The following DPP6 variants were observed in gnomAD, a reference collection of about 807,000 sequenced individuals.
DPP6 encodes dipeptidyl peptidase like 6, also known as A-type potassium channel modulatory protein DPP6.
A neutral mutation model predicts 122.6 loss-of-function variants in DPP6; 69 were observed. That is an observed-to-expected ratio of 0.56 (90% CI 0.46 to 0.69). The LOEUF (loss-of-function observed/expected upper bound fraction) is 0.69, where lower values mean the gene tolerates loss of function less well. Ranked by LOEUF, DPP6 falls within the 30% of genes least tolerant of loss-of-function variation. DPP6 has a pLI of 0.00. For missense variants in DPP6, 928 were observed against 1,116.9 expected, an observed-to-expected ratio of 0.83 and a Z score of 2.41; for synonymous variants, 418 against 433.1, an observed-to-expected ratio of 0.97 and a Z score of 0.43.
chr7:154,166,917 A>G (rs28431077), intron 1 of DPP6, among the ~76,000 whole-genome samples: 87,783 of 145,826 alleles, frequency 0.6, 30,100 homozygotes, highest in East Asian at 0.92. Context: ...TCTTAAAAAA[A>G]TAAAAAGGCA....
At chr7:154,125,910 A>G (rs1162376104) in intron 1 of DPP6, among the ~76,000 whole-genome samples, 1 of 152,132 alleles carries the variant, frequency 6.6e-6, no homozygotes, top group Non-Finnish European at 1.5e-5. Context: ...GTACCTGATT[A>G]TTAGGGTCCT....
chr7:154,673,624 C>G (rs552897093), intron 7 of DPP6, among the ~76,000 whole-genome samples: 3 of 152,250 alleles, frequency 2.0e-5, no homozygotes, highest in Non-Finnish European at 4.4e-5. Context: ...TGCTTCCAAA[C>G]GTTTGCTGAG....
chr7:154,124,085 C>G (rs1807706626), intron 1 of DPP6, among the ~76,000 whole-genome samples: 1 of 151,830 alleles, frequency 6.6e-6, no homozygotes, highest in South Asian at 2.1e-4. Flanking sequence ...CTATGATTAC[C>G]TGGGGACAGA....
intron 1 of DPP6, among the ~76,000 whole-genome samples, chr7:154,300,757 TATC>T (rs1391930927): frequency 6.6e-6 from 1 of 152,202 alleles, no homozygotes; most frequent in Non-Finnish European, 1.5e-5. Context: ...AAGAGTTTCT[TATC>T]AGTTCAAGCC....
chr7:154,334,687 GA>G (rs1809246946), intron 1 of DPP6, among the ~76,000 whole-genome samples: 1 of 152,222 alleles, frequency 6.6e-6, no homozygotes, highest in Admixed American at 6.5e-5. Context: ...CTTGAGGTCA[GA>G]AGTTCGAGAT....
chr7:154,091,271 C>CT (rs1464088249), intron 1 of DPP6, among the ~76,000 whole-genome samples: 2 of 152,220 alleles, frequency 1.3e-5, no homozygotes, highest in African/African-American at 4.8e-5. Context: ...AATCCTCCGC[C>CT]TCCCCTGCTT....
At position 153,934,759 on chromosome 7, in the gene DPP6, C is replaced by T. The variant is rs182023284; in HGVS notation, c.51+47025C>T. On this transcript the variant is annotated intron_variant, in intron 1 of 25. Transcript: ENST00000404039. Reference sequence around the variant, plus strand: ...CTTGTTTTGCTACAAAACCCACTTGCAGGAAACGAGGAAGCAGAACACTGC... The same window carrying T: ...CTTGTTTTGCTACAAAACCCACTTGTAGGAAACGAGGAAGCAGAACACTGC... Among the ~76,000 whole-genome samples, 59 of 152,124 alleles carry T rather than the reference C, an allele frequency of 3.9e-4. No homozygotes were observed. The East Asian group carries it at 0.011, about 29-fold the overall frequency.
intron 7 of DPP6, among the ~76,000 whole-genome samples, chr7:154,685,740 T>A (rs1472857860): frequency 6.6e-6 from 1 of 152,252 alleles, no homozygotes; most frequent in Non-Finnish European, 1.5e-5. Flanking sequence ...TAGATCAACA[T>A]GCATGGCTTG....
chr7:154,637,360 G>A (rs1835790482), intron 5 of DPP6, among the ~76,000 whole-genome samples: 1 of 152,186 alleles, frequency 6.6e-6, no homozygotes, highest in Non-Finnish European at 1.5e-5. Flanking sequence ...AATTAAGCCT[G>A]CCTTGACTTC....
the DPP6 span, among the ~76,000 whole-genome samples, chr7:153,838,844 C>G: frequency 6.6e-6 from 1 of 152,186 alleles, no homozygotes; most frequent in East Asian, 1.9e-4. Context: ...CATTATTGCT[C>G]TGATTGTTCC....
chr7:154,772,694 A>G, intron 9 of DPP6, 151 bp from the exon 10 acceptor site: 1 of 1,093,110 alleles, frequency 9.1e-7, no homozygotes, highest in Non-Finnish European at 1.3e-6. Context: ...CACATGAACC[A>G]TTTGTTCTCC....
chr7:154,466,349 T>C (rs1821781488), intron 2 of DPP6, among the ~76,000 whole-genome samples: 1 of 152,138 alleles, frequency 6.6e-6, no homozygotes, highest in South Asian at 2.1e-4. Flanking sequence ...GAACTTAAAG[T>C]GTACTAAAAA....
the DPP6 span, among the ~76,000 whole-genome samples, chr7:153,835,673 G>GT: frequency 6.6e-6 from 1 of 152,138 alleles, no homozygotes; most frequent in Non-Finnish European, 1.5e-5. Flanking sequence ...GGTTTTAGTA[G>GT]TTTTTGATTG....
Position 154,462,785 on chromosome 7 carries a change from C to T in DPP6, c.359-12154C>T, listed in dbSNP as rs111880051. The stretch of plus-strand genomic sequence containing the variant: ...ATTTAGCATTAGGTATATCTCCTAA[C>T]GCTATCCCTCCCCCCTCCCCCCACC... On this transcript the variant is annotated intron_variant, in intron 2 of 25. Transcript: ENST00000377770. Among the ~76,000 whole-genome samples the T allele has an allele frequency of 7.3e-5, 11 of 150,100 alleles. No homozygotes were observed. The East Asian group carries it at 7.9e-4, about 11-fold the overall frequency.
the DPP6 span, among the ~76,000 whole-genome samples, chr7:153,782,936 A>C: frequency 3.9e-5 from 6 of 152,164 alleles, no homozygotes; most frequent in Non-Finnish European, 8.8e-5. Flanking sequence ...GCCATGTGCG[A>C]TACTTGTATA....
chr7:153,981,864 A>G (rs903580866), intron 1 of DPP6, among the ~76,000 whole-genome samples: 3 of 151,462 alleles, frequency 2.0e-5, no homozygotes, highest in Non-Finnish European at 2.9e-5. Flanking sequence ...AATGTTGACT[A>G]TTGGCCCCCA....
At chr7:154,108,374 T>C (rs1434569175) in intron 1 of DPP6, among the ~76,000 whole-genome samples, 1 of 152,200 alleles carries the variant, frequency 6.6e-6, no homozygotes, top group Non-Finnish European at 1.5e-5. Flanking sequence ...CATGAATGGA[T>C]ACACAGTCAT....
At chr7:154,804,504 T>G (rs1798571377) in intron 14 of DPP6, among the ~76,000 whole-genome samples, 1 of 152,022 alleles carries the variant, frequency 6.6e-6, no homozygotes, top group Non-Finnish European at 1.5e-5. Context: ...CATTGGGAGG[T>G]CTTAGGTGAA....
chr7:154,113,155 G>C (rs1384002476), intron 1 of DPP6, among the ~76,000 whole-genome samples: 4 of 152,128 alleles, frequency 2.6e-5, no homozygotes, highest in Non-Finnish European at 5.9e-5. Context: ...CCACATTTGG[G>C]CTATTATGAA....
Sources: allele counts gnomAD v4.1 joint callset (sites outside exome capture counted in the v4.1 genomes callset), GRCh38; gene constraint gnomAD v4.1.1; transcripts MANE v1.5; gene names NCBI Gene and HGNC (gene_info 2026-07-23, HGNC 2026-07-21).